The following KCNIP4 variants were observed in gnomAD, a reference collection of about 807,000 sequenced individuals.
The protein encoded by KCNIP4 is Kv channel-interacting protein 4.
Under a neutral mutation model 34.0 loss-of-function variants are expected in KCNIP4, and 12 were observed. The ratio of observed to expected loss-of-function variants is 0.35; its 90% CI spans 0.23 to 0.57. KCNIP4 has a LOEUF of 0.57. Ranked by LOEUF, KCNIP4 falls within the 20% of genes least tolerant of loss-of-function variation. The pLI is 0.83. For synonymous variants in KCNIP4, 124 were observed against 102.2 expected (o/e 1.21, Z -1.29); for missense variants, 238 against 311.7 (o/e 0.76, Z 1.78).
chr4:20,952,915 G>A (rs908195175), intron 1 of KCNIP4, among the ~76,000 whole-genome samples: 10 of 152,224 alleles, frequency 6.6e-5, no homozygotes, highest in South Asian at 2.1e-4. Flanking sequence ...AGATGACACC[G>A]TCTTGCTGTG....
chr4:21,352,830 C>T (rs1303131179), intron 1 of KCNIP4, among the ~76,000 whole-genome samples: 1 of 152,184 alleles, frequency 6.6e-6, no homozygotes, highest in Non-Finnish European at 1.5e-5. Context: ...TAAGTGGGTC[C>T]CTGATCCCAG....
intron 1 of KCNIP4, among the ~76,000 whole-genome samples, chr4:21,112,028 T>TCCATCTATCTATCTAC (rs1560732740): frequency 1.5e-3 from 122 of 83,810 alleles, no homozygotes; most frequent in African/African-American, 3.9e-3. Flanking sequence ...TTTCTCTGTA[T>TCCATCTATCTATCTAC]CTATCTATCT....
chr4:21,272,062 A>C (rs1762181338), intron 1 of KCNIP4, among the ~76,000 whole-genome samples: 1 of 152,182 alleles, frequency 6.6e-6, no homozygotes, highest in African/African-American at 2.4e-5. Context: ...GGTGAACTGC[A>C]TTGCTAGCAG....
intron 1 of KCNIP4, among the ~76,000 whole-genome samples, chr4:21,863,655 G>C (rs182481278): frequency 7.2e-5 from 11 of 152,244 alleles, no homozygotes; most frequent in Non-Finnish European, 1.6e-4. Flanking sequence ...GACACACAGG[G>C]CTTAGAGCAG....
chr4:21,118,834 A>G lies in KCNIP4; in HGVS notation c.62-236125T>C, dbSNP rs545618933. 3.3e-5 allele frequency among the ~76,000 whole-genome samples: 5 copies of G among 152,248 alleles called. No homozygotes were observed. The South Asian group carries it at 1.0e-3, about 32-fold the overall frequency. On this transcript the variant is annotated intron_variant, in intron 1 of 8. Transcript: ENST00000382152. ...GGAATGGCACCTGCATCAAATCCAGACAGATCAACCCAAGGAGACAGAGGC... is the reference window on the plus strand; with the variant it reads ...GGAATGGCACCTGCATCAAATCCAGGCAGATCAACCCAAGGAGACAGAGGC...
chr4:20,803,470 CAAAAAAAAAAAAA>C (rs551176038), intron 3 of KCNIP4, among the ~76,000 whole-genome samples: 25 of 85,890 alleles, frequency 2.9e-4, no homozygotes, highest in African/African-American at 5.7e-4. Context: ...TCATCTTTAC[CAAAAAAAAAAAAA>C]AAAAAAAAAA....
At chr4:21,236,076 C>T (rs1000820054) in intron 1 of KCNIP4, among the ~76,000 whole-genome samples, 1 of 152,020 alleles carries the variant, frequency 6.6e-6, no homozygotes, top group African/African-American at 2.4e-5. Context: ...AGGCAGATCG[C>T]TTGAGTTCAG....
chr4:21,896,635 C>T (rs1478332047), intron 1 of KCNIP4, among the ~76,000 whole-genome samples: 1 of 152,094 alleles, frequency 6.6e-6, no homozygotes, highest in African/African-American at 2.4e-5. Context: ...ATATTTTAAT[C>T]ATGTCAGACA....
intron 1 of KCNIP4, among the ~76,000 whole-genome samples, chr4:21,525,717 G>A (rs529443736): frequency 3.9e-5 from 6 of 152,034 alleles, no homozygotes; most frequent in Non-Finnish European, 7.4e-5. Context: ...GGATTCAGAG[G>A]TGTAGGAAGA....
chr4:20,942,745 C>T (rs11935392), intron 1 of KCNIP4, among the ~76,000 whole-genome samples: 3,605 of 152,190 alleles, frequency 0.024, 131 homozygotes, highest in African/African-American at 0.074. Context: ...GATCTTGGCT[C>T]ACTGCAACCT....
intron 1 of KCNIP4, among the ~76,000 whole-genome samples, chr4:21,115,305 T>A (rs1308815339): frequency 6.6e-6 from 1 of 152,238 alleles, no homozygotes; most frequent in Non-Finnish European, 1.5e-5. Flanking sequence ...AGCTTACATT[T>A]GTATTTCACC....
intron 1 of KCNIP4, among the ~76,000 whole-genome samples, chr4:21,390,818 T>A (rs1475438235): frequency 6.6e-6 from 1 of 152,070 alleles, no homozygotes; most frequent in Non-Finnish European, 1.5e-5. Flanking sequence ...ACATACCTTG[T>A]GTATATTTTT....
intron 1 of KCNIP4, among the ~76,000 whole-genome samples, chr4:20,888,435 G>C (rs1182465251): frequency 2.0e-5 from 3 of 152,106 alleles, no homozygotes; most frequent in Non-Finnish European, 4.4e-5. Flanking sequence ...GTACATATAT[G>C]CTTCCTCACA....
chr4:21,040,033 G>A (rs1741816201), intron 1 of KCNIP4, among the ~76,000 whole-genome samples: 1 of 152,144 alleles, frequency 6.6e-6, no homozygotes, highest in South Asian at 2.1e-4. Flanking sequence ...CGTGTGTGAA[G>A]GAGGAACTGT....
At chr4:21,831,622 CAAT>C (rs1387526771) in intron 1 of KCNIP4, among the ~76,000 whole-genome samples, 1 of 68,134 alleles carries the variant, frequency 1.5e-5, no homozygotes, top group African/African-American at 5.9e-5. Context: ...CTGAGCAGAC[CAAT>C]AATAAGAAGA....
At chr4:20,945,174 T>TAGC (rs1212481546) in intron 1 of KCNIP4, among the ~76,000 whole-genome samples, 1 of 152,162 alleles carries the variant, frequency 6.6e-6, no homozygotes, top group Non-Finnish European at 1.5e-5. Context: ...AAATGCAGAA[T>TAGC]AGCAGGTCCT....
At chr4:21,840,627 T>A (rs1328390624) in intron 1 of KCNIP4, among the ~76,000 whole-genome samples, 1 of 152,122 alleles carries the variant, frequency 6.6e-6, no homozygotes, top group African/African-American at 2.4e-5. Context: ...GTTGGTGGGG[T>A]TGTTAAAGAG....
chr4:20,940,044 G>C (rs1731481668), intron 1 of KCNIP4, among the ~76,000 whole-genome samples: 1 of 152,148 alleles, frequency 6.6e-6, no homozygotes, highest in Admixed American at 6.6e-5. Flanking sequence ...ACAACTGCCT[G>C]ACTTGTACTT....
intron 1 of KCNIP4, among the ~76,000 whole-genome samples, chr4:21,452,782 AAG>A (rs886955728): frequency 1.6e-4 from 25 of 151,680 alleles, no homozygotes; most frequent in South Asian, 4.2e-4. Context: ...AAAAAAAAAA[AAG>A]AGAAGGAAAA....
Sources: gnomAD v4.1 joint callset for allele counts (sites outside exome capture counted in the v4.1 genomes callset) on GRCh38, gnomAD v4.1.1 for gene constraint, MANE v1.5 for transcripts, NCBI Gene and HGNC (gene_info 2026-07-23, HGNC 2026-07-21) for gene names.